Variants in NEGR1 observed in about 807,000 individuals in gnomAD.
NEGR1 encodes neuronal growth regulator 1.
NEGR1 carries 10 observed loss-of-function variants against 40.9 expected under a neutral mutation model. The observed-to-expected ratio is 0.24, with a 90% CI of 0.15 to 0.42. The LOEUF (loss-of-function observed/expected upper bound fraction) is 0.42, where lower values mean the gene tolerates loss of function less well. NEGR1 is among the 10% of genes least tolerant of loss of function. The pLI is 1.00. For missense variants in NEGR1, 352 were observed against 438.9 expected (o/e 0.80, Z 1.77); for synonymous variants, 185 against 166.8 (o/e 1.11, Z -0.84).
At chr1:71,654,571 A>G (rs532261625) in intron 4 of NEGR1, among the ~76,000 whole-genome samples, 69 of 152,220 alleles carry the variant, frequency 4.5e-4, no homozygotes, top group Admixed American at 1.0e-3. Context: ...GATATCCTTC[A>G]TCTATTATGG....
intron 6 of NEGR1, among the ~76,000 whole-genome samples, chr1:71,589,309 C>T (rs1320958320): frequency 2.0e-5 from 3 of 152,140 alleles, no homozygotes; most frequent in Admixed American, 6.6e-5. Context: ...CAGGATGCTT[C>T]TCTTCCTAGG....
chr1:72,251,544 C>T (rs1023520829), intron 1 of NEGR1, among the ~76,000 whole-genome samples: 13 of 152,182 alleles, frequency 8.5e-5, no homozygotes, highest in African/African-American at 2.4e-4. Context: ...GCATAATATT[C>T]GCATATAACC....
At chr1:71,739,027 C>G (rs145123724) in intron 3 of NEGR1, among the ~76,000 whole-genome samples, 1 of 151,812 alleles carries the variant, frequency 6.6e-6, no homozygotes, top group Non-Finnish European at 1.5e-5. Flanking sequence ...ATGGTTAATA[C>G]TGAGTGTCAA....
At chr1:71,972,995 T>C (rs914529553) in intron 1 of NEGR1, among the ~76,000 whole-genome samples, 2 of 152,138 alleles carry the variant, frequency 1.3e-5, no homozygotes, top group Non-Finnish European at 2.9e-5. Context: ...AACATATAAA[T>C]GCATATTGAA....
At chr1:71,996,533 A>G (rs1413194671) in intron 1 of NEGR1, among the ~76,000 whole-genome samples, 1 of 152,054 alleles carries the variant, frequency 6.6e-6, no homozygotes, top group Non-Finnish European at 1.5e-5. Context: ...GGATACTCTC[A>G]CAATCTTTCT....
chr1:71,429,652 A>C (rs1646452825), intron 6 of NEGR1, among the ~76,000 whole-genome samples: 1 of 152,170 alleles, frequency 6.6e-6, no homozygotes, highest in Non-Finnish European at 1.5e-5. Context: ...CCAGACAAAC[A>C]GTGGCAATTA....
At chr1:71,503,236 A>G (rs977574422) in intron 6 of NEGR1, among the ~76,000 whole-genome samples, 3 of 152,162 alleles carry the variant, frequency 2.0e-5, no homozygotes, top group African/African-American at 7.2e-5. Flanking sequence ...GGGTGTGCCA[A>G]GCTTTAATTC....
chr1:72,109,655 G>C (rs1335109529), intron 1 of NEGR1, among the ~76,000 whole-genome samples: 5 of 151,576 alleles, frequency 3.3e-5, no homozygotes, highest in Admixed American at 6.6e-5. Context: ...GCAGACACTT[G>C]AGATTTTCTT....
intron 3 of NEGR1, among the ~76,000 whole-genome samples, chr1:71,725,206 T>C (rs1267829524): frequency 1.3e-5 from 2 of 152,144 alleles, no homozygotes; most frequent in Non-Finnish European, 2.9e-5. Flanking sequence ...TAACTAATAA[T>C]AGCTAAAATT....
chr1:71,836,968 C>G (rs1442790415), intron 2 of NEGR1: 4 of 152,066 alleles, frequency 2.6e-5, no homozygotes, highest in Non-Finnish European at 5.9e-5. Context: ...AAATCAGGAA[C>G]AGAAGTTGTA....
chr1:71,844,081 A>C (rs1659326653), intron 2 of NEGR1, among the ~76,000 whole-genome samples: 1 of 152,168 alleles, frequency 6.6e-6, no homozygotes, highest in Non-Finnish European at 1.5e-5. Context: ...CCCTTACCAG[A>C]GGGAATAAAA....
intron 1 of NEGR1, among the ~76,000 whole-genome samples, chr1:72,085,913 T>C (rs372202368): frequency 3.2e-4 from 44 of 139,368 alleles, no homozygotes; most frequent in African/African-American, 1.1e-3. Context: ...GAGGTCACAG[T>C]GAGCAGAGAT....
intron 1 of NEGR1, among the ~76,000 whole-genome samples, chr1:72,271,204 G>C (rs914113360): frequency 6.6e-6 from 1 of 151,820 alleles, no homozygotes; most frequent in African/African-American, 2.4e-5. Context: ...TTCACGTCTA[G>C]AATTAATAAT....
chr1:71,992,097 G>A (rs551697781), intron 1 of NEGR1, among the ~76,000 whole-genome samples: 4 of 151,992 alleles, frequency 2.6e-5, no homozygotes, highest in Non-Finnish European at 4.4e-5. Context: ...GCCCGGGCAT[G>A]AGTTTACTAT....
chr1:71,521,231 A>C (rs1209427190), intron 6 of NEGR1, among the ~76,000 whole-genome samples: 1 of 152,048 alleles, frequency 6.6e-6, no homozygotes, highest in Non-Finnish European at 1.5e-5. Context: ...CGGTCAATTT[A>C]ACTAAGCTTA....
chr1:71,565,681 G>T (rs1434244935), intron 6 of NEGR1, among the ~76,000 whole-genome samples: 1 of 152,062 alleles, frequency 6.6e-6, no homozygotes, highest in Non-Finnish European at 1.5e-5. Context: ...AGGAAGAAAA[G>T]GCACATGAAA....
At chr1:72,146,723 A>G (rs1248640501) in intron 1 of NEGR1, among the ~76,000 whole-genome samples, 1 of 152,224 alleles carries the variant, frequency 6.6e-6, no homozygotes, top group Non-Finnish European at 1.5e-5. Flanking sequence ...TCAAATTCAG[A>G]TACATTTCAG....
At chr1:71,492,572 G>C (rs910475814) in intron 6 of NEGR1, among the ~76,000 whole-genome samples, 4 of 151,954 alleles carry the variant, frequency 2.6e-5, no homozygotes, top group African/African-American at 9.7e-5. Flanking sequence ...TAAACAGTAA[G>C]CAGCTTCTTG....
At chr1:71,649,379 A>T (rs1651634622) in intron 4 of NEGR1, among the ~76,000 whole-genome samples, 1 of 152,148 alleles carries the variant, frequency 6.6e-6, no homozygotes, top group Admixed American at 6.6e-5. Context: ...ACAAAGATGT[A>T]CATAAGAGCA....
Sources: gnomAD v4.1 joint callset for allele counts (sites outside exome capture counted in the v4.1 genomes callset) on GRCh38, gnomAD v4.1.1 for gene constraint, MANE v1.5 for transcripts, NCBI Gene and HGNC (gene_info 2026-07-23, HGNC 2026-07-21) for gene names.